CNTN5: variants seen among roughly 807,000 people sequenced by gnomAD.
CNTN5 encodes the protein contactin 5.
CNTN5 carries 77 observed loss-of-function variants against 129.1 expected under a neutral mutation model. The observed-to-expected ratio is 0.60, with a 90% confidence interval of 0.50 to 0.72. The LOEUF is 0.72. CNTN5 is among the 30% of genes least tolerant of loss of function. The pLI, the probability that CNTN5 is intolerant of heterozygous loss-of-function variation, is 0.00. For synonymous variants in CNTN5, 509 were observed against 465.6 expected (o/e 1.09, Z -1.20); for missense variants, 1,478 against 1,328.8 (o/e 1.11, Z -1.75).
At chr11:99,909,002 G>A (rs994578738) in intron 6 of CNTN5, among the ~76,000 whole-genome samples, 1 of 151,968 alleles carries the variant, frequency 6.6e-6, no homozygotes, top group Non-Finnish European at 1.5e-5. Flanking sequence ...GCTAATGAAA[G>A]TTTCATTACA....
intron 13 of CNTN5, among the ~76,000 whole-genome samples, chr11:100,101,123 G>C (rs1323287049): frequency 3.3e-5 from 5 of 152,046 alleles, no homozygotes; most frequent in African/African-American, 1.2e-4. Flanking sequence ...GTAATAGTGA[G>C]GCCTTTCATA....
intron 13 of CNTN5, among the ~76,000 whole-genome samples, chr11:100,162,178 C>T (rs112065293): frequency 2.6e-5 from 4 of 151,742 alleles, no homozygotes; most frequent in Non-Finnish European, 5.9e-5. Context: ...AAAGTACCAA[C>T]GCAGAAGGTT....
intron 10 of CNTN5, among the ~76,000 whole-genome samples, chr11:100,061,986 G>A (rs1660305911): frequency 6.6e-6 from 1 of 152,218 alleles, no homozygotes. Context: ...CAGCCTGCAA[G>A]TGTTTATATT....
chr11:99,280,871 TTAGTTAA>T (rs1425214719), intron 1 of CNTN5, among the ~76,000 whole-genome samples: 10 of 151,812 alleles, frequency 6.6e-5, no homozygotes, highest in East Asian at 5.8e-4. Flanking sequence ...TTAATAATTA[TTAGTTAA>T]TAGTTAATAG....
intron 13 of CNTN5, among the ~76,000 whole-genome samples, chr11:100,115,136 A>AC (rs1242808292): frequency 6.7e-6 from 1 of 150,062 alleles, no homozygotes; most frequent in Non-Finnish European, 1.5e-5. Context: ...AAAAAAAAAA[A>AC]AAAGAAAGAA....
chr11:99,585,445 G>A (rs1949762418), intron 3 of CNTN5, among the ~76,000 whole-genome samples: 1 of 152,040 alleles, frequency 6.6e-6, no homozygotes, highest in Non-Finnish European at 1.5e-5. Context: ...TTATAACAAT[G>A]CCACTCTTCT....
chr11:99,440,711 A>G (rs551162071), intron 2 of CNTN5, among the ~76,000 whole-genome samples: 7 of 152,232 alleles, frequency 4.6e-5, no homozygotes, highest in African/African-American at 1.7e-4. Flanking sequence ...GGCAACATGA[A>G]TTGATGATCT....
intron 1 of CNTN5, among the ~76,000 whole-genome samples, chr11:99,129,792 G>T (rs61893380): frequency 0.066 from 10,095 of 152,244 alleles, 846 homozygotes; most frequent in East Asian, 0.34. Context: ...AGTCAGAAGA[G>T]ATTGGGAGCC....
Position 99,356,767 on chromosome 11 carries a change from G to T in CNTN5, c.-71+31283G>T, listed in dbSNP as rs559215984. The stretch of plus-strand genomic sequence containing the variant: ...GAAAAAGAAAATAGAATTATATTTA[G>T]TCAGGCATATTAATAGAATTATTAT... On this transcript the variant is annotated intron_variant, in intron 2 of 24. Transcript: ENST00000524871. Among the ~76,000 whole-genome samples the T allele has an allele frequency of 3.7e-4, 57 of 152,216 alleles. No homozygotes were observed. The South Asian group carries it at 0.01, about 27-fold the overall frequency.
At chr11:99,985,981 C>T (rs34663663) in intron 8 of CNTN5, among the ~76,000 whole-genome samples, 3 of 151,720 alleles carry the variant, frequency 2.0e-5, no homozygotes, top group Non-Finnish European at 4.4e-5. Context: ...ATTATTCTAC[C>T]TTCATCACAA....
At chr11:100,239,175 G>C (rs1370238555) in intron 16 of CNTN5, among the ~76,000 whole-genome samples, 1 of 152,114 alleles carries the variant, frequency 6.6e-6, no homozygotes, top group East Asian at 1.9e-4. Context: ...CCATCCTTGA[G>C]CAAAATTGTA....
At chr11:99,090,134 T>G (rs1866178442) in intron 1 of CNTN5, among the ~76,000 whole-genome samples, 1 of 152,210 alleles carries the variant, frequency 6.6e-6, no homozygotes. Context: ...AAGAACCCAC[T>G]TCCTCAAATA....
chr11:99,454,539 G>A (rs1476056528), intron 2 of CNTN5, among the ~76,000 whole-genome samples: 5 of 152,086 alleles, frequency 3.3e-5, no homozygotes, highest in Non-Finnish European at 5.9e-5. Flanking sequence ...CACCATGATT[G>A]TTAAGTTTCC....
chr11:99,070,033 G>A (rs1347536608), intron 1 of CNTN5, among the ~76,000 whole-genome samples: 1 of 152,146 alleles, frequency 6.6e-6, no homozygotes, highest in East Asian at 1.9e-4. Flanking sequence ...CTCTCTTCAG[G>A]CTGCCTCTCT....
chr11:99,430,195 G>GAA (rs1456395299), intron 2 of CNTN5, among the ~76,000 whole-genome samples: 1 of 151,952 alleles, frequency 6.6e-6, no homozygotes, highest in African/African-American at 2.4e-5. Flanking sequence ...GGGAAAGGAG[G>GAA]AATAGGGTAG....
intron 2 of CNTN5, among the ~76,000 whole-genome samples, chr11:99,504,211 G>A (rs1023884020): frequency 1.3e-5 from 2 of 152,154 alleles, no homozygotes; most frequent in African/African-American, 4.8e-5. Context: ...TAGCACCCAT[G>A]GGTTTAGACA....
At chr11:99,711,728 G>A (rs528311914) in intron 3 of CNTN5, among the ~76,000 whole-genome samples, 47 of 151,982 alleles carry the variant, frequency 3.1e-4, no homozygotes, top group South Asian at 1.0e-3. Context: ...GAGACCATGC[G>A]GTGTTTGGTT....
At chr11:99,806,667 TGTG>T (rs1390637072) in intron 3 of CNTN5, among the ~76,000 whole-genome samples, 2 of 151,494 alleles carry the variant, frequency 1.3e-5, no homozygotes, top group South Asian at 2.1e-4. Context: ...ATTAGTCAGG[TGTG>T]GTGGCGCGCA....
At chr11:99,803,249 C>G (rs1946168269) in intron 3 of CNTN5, among the ~76,000 whole-genome samples, 3 of 152,240 alleles carry the variant, frequency 2.0e-5, no homozygotes, top group Admixed American at 6.5e-5. Context: ...GTTGGAACAC[C>G]CAGCAATGAT....
Sources: allele counts gnomAD v4.1 joint callset (sites outside exome capture counted in the v4.1 genomes callset), GRCh38; gene constraint gnomAD v4.1.1; transcripts MANE v1.5; gene names NCBI Gene and HGNC (gene_info 2026-07-23, HGNC 2026-07-21).